ACACA: variants seen among roughly 807,000 people sequenced by gnomAD.
ACACA encodes acetyl-CoA carboxylase alpha.
A neutral mutation model predicts 296.1 loss-of-function variants in ACACA; 103 were observed. The ratio of observed to expected loss-of-function variants is 0.35; its 90% CI spans 0.30 to 0.41. The LOEUF (loss-of-function observed/expected upper bound fraction) is 0.41. Ranked by LOEUF, ACACA falls within the 10% of genes least tolerant of loss-of-function variation. The pLI is 1.00. For missense variants in ACACA, 1,554 were observed against 2,989.7 expected (o/e 0.52, Z 11.20); for synonymous variants, 953 against 1,038.6 (o/e 0.92, Z 1.58).
chr17:37,375,784 A>G (rs929453909), intron 1 of ACACA, among the ~76,000 whole-genome samples: 2 of 152,238 alleles, frequency 1.3e-5, no homozygotes, highest in Non-Finnish European at 2.9e-5. Flanking sequence ...TTTGTAAAGC[A>G]TATCAATGGG....
At chr17:37,171,166 C>A (rs2076869622) in intron 41 of ACACA, among the ~76,000 whole-genome samples, 1 of 152,114 alleles carries the variant, frequency 6.6e-6, no homozygotes, top group African/African-American at 2.4e-5. Flanking sequence ...CTAAAATGAT[C>A]TTGAGTTTTT....
chr17:37,291,962 A>G (rs1307603648), intron 3 of ACACA, among the ~76,000 whole-genome samples: 1 of 152,048 alleles, frequency 6.6e-6, no homozygotes, highest in African/African-American at 2.4e-5. Context: ...AGATACTAGA[A>G]TGTTAATTTG....
In ACACA at chr17:37,192,236, T is replaced by A; in HGVS notation, c.4270A>T (p.Arg1424Ter). The A allele has an allele frequency of 6.2e-7, 1 of 1,614,086 alleles. No homozygotes were observed. Among genetic ancestry groups the A allele is most frequent in the Non-Finnish European group, 8.5e-7 (1 of 1,180,022 alleles). The part of the protein sequence containing the change: ...LAFQLELNRM[R>*]NFDLTAIPCA... ...GGAATGGCAGTGAGGTCAAAATTTC[T>A]CATCCGGTTCAGCTCTAACTGGAAA... is the stretch of plus-strand genomic sequence containing the variant. Residue 1424 changes from arginine (R) to a stop codon, truncating the protein, a stop_gained, in exon 37 of 56, where the codon AGA becomes TGA. Coordinates refer to ENST00000616317, the MANE Select transcript of ACACA (RefSeq NM_198834.3). LOFTEE classifies it high-confidence loss of function.
chr17:37,349,514 CAT>C (rs911092891), intron 1 of ACACA, among the ~76,000 whole-genome samples: 2 of 146,210 alleles, frequency 1.4e-5, no homozygotes, highest in East Asian at 3.9e-4. Flanking sequence ...ATATATCTTA[CAT>C]ATGTGTGTGT....
intron 24 of ACACA, among the ~76,000 whole-genome samples, chr17:37,237,950 G>A (rs1486302893): frequency 1.3e-5 from 2 of 152,044 alleles, no homozygotes; most frequent in African/African-American, 4.8e-5. Flanking sequence ...TTTTAGAGAC[G>A]GGGTCTTGCT....
intron 1 of ACACA, among the ~76,000 whole-genome samples, chr17:37,352,000 G>A (rs539222323): frequency 2.7e-5 from 4 of 148,894 alleles, no homozygotes; most frequent in Non-Finnish European, 5.9e-5. Context: ...GCGCAATCTC[G>A]GCTCACTGCA....
intron 1 of ACACA, among the ~76,000 whole-genome samples, chr17:37,390,718 A>G (rs2050844318): frequency 6.6e-6 from 1 of 151,122 alleles, no homozygotes; most frequent in African/African-American, 2.4e-5. Flanking sequence ...ACTTGGGCTC[A>G]GGAATTGAAG....
At chr17:37,329,935 C>A (rs1489744516) in intron 3 of ACACA, among the ~76,000 whole-genome samples, 4 of 151,518 alleles carry the variant, frequency 2.6e-5, no homozygotes, top group African/African-American at 9.7e-5. Flanking sequence ...AGCAAGACTC[C>A]GTCTCAAAAA....
chr17:37,248,725 G>A, intron 16 of ACACA, 51 bp from the exon 17 acceptor site: 1 of 1,312,638 alleles, frequency 7.6e-7, no homozygotes, highest in Non-Finnish European at 1.1e-6. Flanking sequence ...ACAGTTATAA[G>A]AGAATCTAAA....
At chr17:37,109,761 T>C (rs2053670) in intron 52 of ACACA, among the ~76,000 whole-genome samples, 52,767 of 152,068 alleles carry the variant, frequency 0.35, 13,131 homozygotes, top group African/African-American at 0.7. Context: ...AAGCTTTATC[T>C]CCACACCCCT....
chr17:37,224,986 A>ATG lies in ACACA; in HGVS notation c.3474+5_3474+6insCA. On this transcript the variant is annotated splice_donor_region_variant and intron_variant, in intron 27 of 55. Transcript: ENST00000616317. The stretch of plus-strand genomic sequence containing the variant: ...AAGGGTTATATATATATATATATAT[A>ATG]TATACCTGCAGGTTCTCAATGCAAA... 3.0e-6 allele frequency: 4 copies of ATG among 1,346,028 alleles called. No individual in the cohort carries two copies. The highest frequency in any genetic ancestry group is 4.3e-6 in the Non-Finnish European group (4 of 939,034). The allele number at this position is 1,346,028 out of a possible 1,614,324, so 83.4% of individuals were successfully genotyped here.
chr17:37,362,921 G>A (rs1441131893), intron 1 of ACACA, among the ~76,000 whole-genome samples: 2 of 148,822 alleles, frequency 1.3e-5, no homozygotes, highest in African/African-American at 2.5e-5. Context: ...CTTGCAGTAA[G>A]CTGAGATCGC....
At chr17:37,314,286 A>G (rs1344003756) in intron 3 of ACACA, among the ~76,000 whole-genome samples, 1 of 151,554 alleles carries the variant, frequency 6.6e-6, no homozygotes, top group Non-Finnish European at 1.5e-5. Context: ...TTTTTAGTAG[A>G]GATGAGGTTT....
chr17:37,278,201 C>A (rs1366472463), intron 5 of ACACA, among the ~76,000 whole-genome samples, 196 bp from the exon 6 acceptor site: 2 of 152,188 alleles, frequency 1.3e-5, no homozygotes, highest in African/African-American at 4.8e-5. Flanking sequence ...GAGTTAATCC[C>A]ATATTTAGAA....
chr17:37,130,352 AG>A (rs2075029053), intron 45 of ACACA, 134 bp from the exon 46 acceptor site: 1 of 1,082,536 alleles, frequency 9.2e-7, no homozygotes, highest in African/African-American at 1.6e-5. Flanking sequence ...GGTTGTTCTG[AG>A]GGACTATCTG....
In ACACA at chr17:37,299,428, A is replaced by T; in HGVS notation, c.339-14458T>A. 5 of 1,602,722 alleles carry T rather than the reference A, an allele frequency of 3.1e-6. No homozygotes were observed. The South Asian group carries it at 5.6e-5, about 18-fold the overall frequency. ...CTCCTGTTGCAGCTGCTTAAAACCC[A>T]GGAGGACAAGAGATACTGTGCCTTC... is the stretch of plus-strand genomic sequence containing the variant. On this transcript the variant is annotated intron_variant, in intron 3 of 55. Coordinates refer to ENST00000616317, the MANE Select transcript of ACACA (RefSeq NM_198834.3).
At chr17:37,383,592 G>C (rs1308101043) in intron 1 of ACACA, among the ~76,000 whole-genome samples, 3 of 152,234 alleles carry the variant, frequency 2.0e-5, no homozygotes, top group African/African-American at 7.2e-5. Flanking sequence ...TTGTCCCCCA[G>C]GATGGGGTAC....
chr17:37,356,070 G>C (rs978762315), intron 1 of ACACA, among the ~76,000 whole-genome samples: 1 of 151,006 alleles, frequency 6.6e-6, no homozygotes, highest in African/African-American at 2.4e-5. Flanking sequence ...ACTCAGGGGG[G>C]TGAGGCAGGA....
intron 7 of ACACA, among the ~76,000 whole-genome samples, chr17:37,276,374 T>A (rs2082285531): frequency 6.6e-6 from 1 of 152,248 alleles, no homozygotes; most frequent in African/African-American, 2.4e-5. Context: ...TCTTCTTTTT[T>A]AAGTCAATAT....
Sources: allele counts gnomAD v4.1 joint callset (sites outside exome capture counted in the v4.1 genomes callset), GRCh38; gene constraint gnomAD v4.1.1; transcripts MANE v1.5; gene names NCBI Gene and HGNC (gene_info 2026-07-23, HGNC 2026-07-21).